Variants in PER3 observed in about 807,000 individuals in gnomAD.
PER3 encodes period circadian regulator 3, also known as period circadian protein homolog 3.
In PER3, 107 loss-of-function variants were observed where a neutral mutation model predicts 127.2. The observed-to-expected ratio is 0.84, with a 90% CI of 0.72 to 0.99. PER3 has a LOEUF of 0.99. Ranked by LOEUF, PER3 falls within the 50% of genes least tolerant of loss-of-function variation. The pLI, the probability that PER3 is intolerant of heterozygous loss-of-function variation, is 0.00. For missense variants in PER3, 1,560 were observed against 1,525.8 expected, an observed-to-expected ratio of 1.02 and a Z score of -0.37; for synonymous variants, 618 against 585.8, an observed-to-expected ratio of 1.05 and a Z score of -0.79.
At position 7,826,154 on chromosome 1, in the gene PER3, ATAT is replaced by A. The variant is rs2097300573; in HGVS notation, c.1958-325_1958-323del. On this transcript the variant is annotated intron_variant, in intron 16 of 21. Transcript: ENST00000377532. This position sits in a 1 kb window ranked among gnomAD's most constrained non-coding sequence, Gnocchi z 4.2. ...ACTTCCTGATTTTTGAACCACATGA[ATAT>A]ATTACCTATTTAAAAGGTAAGTTCA... Among the ~76,000 whole-genome samples, 1 of 152,234 alleles carries A rather than the reference ATAT, an allele frequency of 6.6e-6. No individual in the cohort carries two copies. The highest frequency in any genetic ancestry group is 1.5e-5 in the Non-Finnish European group (1 of 68,044).
intron 5 of PER3, among the ~76,000 whole-genome samples, chr1:7,791,471 C>A (rs1302138096): frequency 1.3e-5 from 2 of 152,204 alleles, no homozygotes; most frequent in Non-Finnish European, 2.9e-5. Context: ...GCCCAGAAAA[C>A]CATTTTTTCT....
intron 21 of PER3, 44 bp downstream of exon 21, chr1:7,837,193 C>T: frequency 1.9e-6 from 3 of 1,546,500 alleles, no homozygotes; most frequent in Middle Eastern, 1.9e-4. Context: ...TGTATTTTGG[C>T]CAGGTAGTGC....
At position 7,803,753 on chromosome 1, in the gene PER3, C is replaced by T. The variant is rs774805653; in HGVS notation, c.1041C>T (p.Asn347=). The T allele has an allele frequency of 2.3e-5, 37 of 1,609,208 alleles. No individual in the cohort carries two copies. The highest frequency in any genetic ancestry group is 4.4e-5 in the South Asian group (4 of 90,984). ...CTCCCATTCGATTTTGTACTCAAAA[C>T]GGAGACTACATCATACTGGATTCCA... ...EHSPIRFCTQ[N]GDYIILDSSW... The change falls in exon 10 of 22, where the codon AAC becomes AAT. Residue 347 remains asparagine (N), a synonymous_variant. Transcript: ENST00000377532.
intron 19 of PER3, 123 bp downstream of exon 19, chr1:7,830,284 T>C: frequency 2.3e-6 from 2 of 853,206 alleles, no homozygotes; most frequent in Non-Finnish European, 1.8e-6. Context: ...TTTTTCCCTT[T>C]TTCCTTTTTG....
intron 13 of PER3, among the ~76,000 whole-genome samples, chr1:7,813,691 C>G (rs2097232168): frequency 6.6e-6 from 1 of 152,182 alleles, no homozygotes; most frequent in African/African-American, 2.4e-5. Context: ...TTACAATACT[C>G]AAACCTGGCC....
chr1:7,788,501 T>C (rs2097102689), intron 5 of PER3: 1 of 416,630 alleles, frequency 2.4e-6, no homozygotes, highest in Non-Finnish European at 4.3e-6. Flanking sequence ...ACCAGCGTAT[T>C]GTATAGTGGT....
chr1:7,829,990 A>G lies in PER3; in HGVS notation c.3043A>G (p.Ser1015Gly), dbSNP rs878915493. Residue 1015 changes from serine (S) to glycine (G), a missense_variant, in exon 19 of 22, where the codon AGC (serine) becomes GGC (glycine). Physicochemically the swap from Ser to Gly is moderately conservative, Grantham distance 56. This residue lies in a region of PER3 where 29 missense variants were observed against 103.6 expected (regional missense o/e 0.28). Transcript: ENST00000377532. ...GAAGAATCCATCCCATCCTACTGCCAGCGCTCTGTCCACAGGATCGCCTCC... is the reference window on the plus strand; with the variant it reads ...GAAGAATCCATCCCATCCTACTGCCGGCGCTCTGTCCACAGGATCGCCTCC... The part of the protein sequence containing the change: ...PMKNPSHPTA[S>G]ALSTGSPPMK... 1 of 1,553,460 alleles carries G rather than the reference A, an allele frequency of 6.4e-7. No individual in the cohort carries two copies. The highest frequency in any genetic ancestry group is 1.4e-5 in the African/African-American group (1 of 72,512).
Position 7,842,755 on chromosome 1 carries a change from AGTGACT to A in PER3, c.*5_*10del. ...AGGTTCTGGTAGAAGACAGCTGTTG[AGTGACT>A]GTGAGGATGAACCTTCATACCCTTT... On this transcript the variant is annotated 3_prime_UTR_variant, in exon 22 of 22. Coordinates refer to ENST00000377532, the MANE Select transcript of PER3 (RefSeq NM_001377275.1). The A allele has an allele frequency of 6.2e-7, 1 of 1,612,226 alleles. No homozygotes were observed. The highest frequency in any genetic ancestry group is 8.5e-7 in the Non-Finnish European group (1 of 1,178,642).
chr1:7,829,259 G>A (rs2097317388), intron 18 of PER3, among the ~76,000 whole-genome samples: 1 of 152,122 alleles, frequency 6.6e-6, no homozygotes, highest in South Asian at 2.1e-4. Flanking sequence ...GATAAATTAA[G>A]AACAGTAAGA....
intron 5 of PER3, among the ~76,000 whole-genome samples, chr1:7,791,687 C>T (rs2097122103): frequency 6.6e-6 from 1 of 152,204 alleles, no homozygotes; most frequent in Admixed American, 6.5e-5. Context: ...TTGTTATGCT[C>T]TGCTTCCTCT....
intron 7 of PER3, among the ~76,000 whole-genome samples, chr1:7,798,992 A>C (rs917209872): frequency 1.3e-5 from 2 of 152,120 alleles, no homozygotes; most frequent in South Asian, 4.1e-4. Context: ...GTGAAATAAG[A>C]GTGCTGAAAT....
chr1:7,806,488 A>C (rs2097193212), intron 10 of PER3, among the ~76,000 whole-genome samples: 1 of 152,124 alleles, frequency 6.6e-6, no homozygotes, highest in African/African-American at 2.4e-5. Context: ...GTTCTGCATT[A>C]CATAGTTACT....
At chr1:7,832,999 G>A (rs2097340465) in intron 19 of PER3, among the ~76,000 whole-genome samples, 1 of 151,818 alleles carries the variant, frequency 6.6e-6, no homozygotes, top group Admixed American at 6.6e-5. Context: ...CAGTGTACCT[G>A]GCCAGTCTAA....
At chr1:7,805,518 G>C (rs1258082539) in intron 10 of PER3, among the ~76,000 whole-genome samples, 2 of 152,118 alleles carry the variant, frequency 1.3e-5, no homozygotes, top group Non-Finnish European at 2.9e-5. Context: ...GCTCCTGGCC[G>C]CCCTAACTCA....
chr1:7,829,843 A>G lies in PER3; in HGVS notation c.2896A>G (p.Thr966Ala). The G allele has an allele frequency of 6.2e-7, 1 of 1,613,204 alleles. No individual in the cohort carries two copies. Among genetic ancestry groups the G allele is most frequent in the Non-Finnish European group, 8.5e-7 (1 of 1,179,202 alleles). The part of the protein sequence containing the change: ...TCPQTEYQCV[T>A]GNNGSESSPA... ...TGCCCTTACTTTCTAGCAGTGTGTTACAGGCAACAATGGCAGTGAGAGCAG... is the reference window on the plus strand; with the variant it reads ...TGCCCTTACTTTCTAGCAGTGTGTTGCAGGCAACAATGGCAGTGAGAGCAG... Residue 966 changes from threonine to alanine, a missense_variant, in exon 19 of 22, where the codon ACA becomes GCA. Physicochemically the swap from Thr to Ala is moderately conservative, Grantham distance 58. Around this residue, in one of 3 missense-constraint regions of PER3, gnomAD observed 1,332 missense variants for 1,223.6 expected, o/e 1.09. Transcript: ENST00000377532.
chr1:7,803,566 C>T, intron 9 of PER3, 126 bp from the exon 10 acceptor site: 1 of 638,076 alleles, frequency 1.6e-6, no homozygotes, highest in Non-Finnish European at 2.7e-6. Context: ...CCAGCCTAGG[C>T]AACAGAGCGA....
rs201630401 is a variant in PER3, at chr1:7,803,060, C to G, written c.886C>G (p.Leu296Val). The change falls in exon 9 of 22, where the codon CTG becomes GTG. Residue 296 changes from leucine to valine, a missense_variant. Physicochemically the swap from Leu to Val is conservative, Grantham distance 32. Around this residue, in one of 3 missense-constraint regions of PER3, gnomAD observed 1,332 missense variants for 1,223.6 expected, o/e 1.09. Transcript: ENST00000377532. ...TCTGTATCCCAGAGCAGTGCCTTTG[C>G]TGGGTTACCTACCTCAGGACCTGAT... is the stretch of plus-strand genomic sequence containing the variant. ...LEVDEKAVPLLGYLPQDLIGT... is the reference protein window; with the variant it reads ...LEVDEKAVPLVGYLPQDLIGT... The G allele has an allele frequency of 1.1e-4, 172 of 1,605,736 alleles. No individual in the cohort carries two copies. Among genetic ancestry groups the G allele is most frequent in the Non-Finnish European group, 1.4e-4 (163 of 1,172,300 alleles).
chr1:7,837,226 G>C, intron 21 of PER3, 77 bp downstream of exon 21: 1 of 1,242,712 alleles, frequency 8.0e-7, no homozygotes, highest in South Asian at 1.5e-5. Flanking sequence ...TCGTGTTCTT[G>C]CATGATCCCA....
chr1:7,826,221 A>G lies in PER3; in HGVS notation c.1958-259A>G, dbSNP rs567196194. On this transcript the variant is annotated intron_variant, in intron 16 of 21. Coordinates refer to ENST00000377532, the MANE Select transcript of PER3 (RefSeq NM_001377275.1). This position sits in a 1 kb window ranked among gnomAD's most constrained non-coding sequence, Gnocchi z 4.2. The stretch of plus-strand genomic sequence containing the variant: ...ATTTTGAAGAATTCAGGGAGAGAGA[A>G]AAATGTTTACAATAAAAGCAAGATT... 6.6e-6 allele frequency among the ~76,000 whole-genome samples: 1 copy of G among 152,318 alleles called. No homozygotes were observed. The highest frequency in any genetic ancestry group is 2.1e-4 in the South Asian group (1 of 4,830).
Sources: allele counts gnomAD v4.1 joint callset (sites outside exome capture counted in the v4.1 genomes callset), GRCh38; gene constraint gnomAD v4.1.1; regional missense constraint gnomAD v4.1.1; non-coding constraint Gnocchi (gnomAD v3.1); transcripts MANE v1.5; gene names NCBI Gene and HGNC (gene_info 2026-07-23, HGNC 2026-07-21).